Variants in CAND1 observed in about 807,000 individuals in gnomAD.
CAND1 encodes the protein cullin-associated NEDD8-dissociated protein 1.
A neutral mutation model predicts 108.5 loss-of-function variants in CAND1; 7 were observed. The observed-to-expected ratio is 0.06, with a 90% CI of 0.04 to 0.12. CAND1 has a LOEUF of 0.12. Ranked by LOEUF, CAND1 falls within the 10% of genes least tolerant of loss-of-function variation. The pLI is 1.00. For missense variants in CAND1, 941 were observed against 1,448.7 expected (o/e 0.65, Z 5.69); for synonymous variants, 534 against 512.0 (o/e 1.04, Z -0.58).
chr12:67,279,213 T>A (rs2044598043), intron 1 of CAND1, among the ~76,000 whole-genome samples: 1 of 152,012 alleles, frequency 6.6e-6, no homozygotes, highest in Admixed American at 6.6e-5. Context: ...CCAAACCAAT[T>A]TTTCCCATGC....
At chr12:67,306,645 G>T in intron 10 of CAND1, 48 bp downstream of exon 10, 1 of 1,447,840 alleles carries the variant, frequency 6.9e-7, no homozygotes, top group Non-Finnish European at 9.3e-7. Context: ...TTGATAGTTG[G>T]TTGCCTTAAA....
At chr12:67,284,899 T>C (rs558581819) in intron 2 of CAND1, among the ~76,000 whole-genome samples, 1 of 136,668 alleles carries the variant, frequency 7.3e-6, no homozygotes, top group South Asian at 2.5e-4. Context: ...CTTTTGAGGG[T>C]ATTAACCACT....
rs1263654929 is a variant in CAND1 at position 67,304,596 on chromosome 12, T to C, written c.1294-9T>C. 1.9e-6 allele frequency: 3 copies of C among 1,612,930 alleles called. No individual in the cohort carries two copies. The highest frequency in any genetic ancestry group is 2.7e-5 in the African/African-American group (2 of 74,782). The stretch of plus-strand genomic sequence containing the variant: ...GCTGAACCAGCTAATGACTATATGA[T>C]AATTGCAGGTTCCCAACATTGTTAA... On this transcript the variant is annotated splice_polypyrimidine_tract_variant and intron_variant, in intron 8 of 14. Transcript: ENST00000545606.
rs1253730235 is a variant in CAND1 at position 67,297,675 on chromosome 12, T to C, written c.748+12T>C. On this transcript the variant is annotated intron_variant, in intron 5 of 14. Coordinates refer to ENST00000545606, the MANE Select transcript of CAND1 (RefSeq NM_018448.5). ...TGGTCATAGAATAGGTAAGAAATCT[T>C]TAAAAGTTTTACAGTTTTCTTTAAT... is the stretch of plus-strand genomic sequence containing the variant. 1 of 1,600,852 alleles carries C rather than the reference T, an allele frequency of 6.2e-7. No individual in the cohort carries two copies. The highest frequency in any genetic ancestry group is 8.5e-7 in the Non-Finnish European group (1 of 1,174,574).
chr12:67,309,774 C>T, intron 11 of CAND1, 127 bp from the exon 12 acceptor site: 3 of 640,850 alleles, frequency 4.7e-6, no homozygotes, highest in Admixed American at 3.1e-5. Context: ...AGGTTCTTCC[C>T]TGACCGTCAC....
chr12:67,273,382 A>C (rs2044539951), intron 1 of CAND1, among the ~76,000 whole-genome samples: 1 of 152,102 alleles, frequency 6.6e-6, no homozygotes, highest in Non-Finnish European at 1.5e-5. Context: ...TTCGGTTGAT[A>C]CCAGAGTGAA....
intron 2 of CAND1, among the ~76,000 whole-genome samples, chr12:67,291,589 T>A (rs1426850934): frequency 6.6e-6 from 1 of 152,200 alleles, no homozygotes; most frequent in Non-Finnish European, 1.5e-5. Flanking sequence ...TGAAATTAAT[T>A]TATGTTTCAT....
intron 2 of CAND1, among the ~76,000 whole-genome samples, chr12:67,285,009 C>T (rs1384514472): frequency 6.6e-6 from 1 of 152,110 alleles, no homozygotes; most frequent in Non-Finnish European, 1.5e-5. Flanking sequence ...ACAAAAAATT[C>T]AGTGAGGTAG....
intron 4 of CAND1, among the ~76,000 whole-genome samples, chr12:67,296,239 T>C: frequency 6.6e-6 from 1 of 152,096 alleles, no homozygotes; most frequent in South Asian, 2.1e-4. Flanking sequence ...GTTTGGGTAG[T>C]AGTGACTCAT....
intron 1 of CAND1, among the ~76,000 whole-genome samples, chr12:67,278,559 C>T (rs2044591288): frequency 6.6e-6 from 1 of 152,068 alleles, no homozygotes; most frequent in Non-Finnish European, 1.5e-5. Flanking sequence ...CACTCTGTCA[C>T]CTAGGCTGTA....
intron 11 of CAND1, among the ~76,000 whole-genome samples, chr12:67,308,667 A>G (rs1160118570): frequency 1.3e-5 from 2 of 152,210 alleles, no homozygotes; most frequent in African/African-American, 2.4e-5. Context: ...CATTTTGTCC[A>G]TAATAGCAAT....
At chr12:67,296,609 A>G (rs540777033) in intron 4 of CAND1, among the ~76,000 whole-genome samples, 1 of 151,452 alleles carries the variant, frequency 6.6e-6, no homozygotes, top group African/African-American at 2.4e-5. Flanking sequence ...TAATTTTTGT[A>G]TTTTTAGTAG....
At chr12:67,289,435 TG>T (rs2044702226) in intron 2 of CAND1, among the ~76,000 whole-genome samples, 1 of 152,112 alleles carries the variant, frequency 6.6e-6, no homozygotes, top group Non-Finnish European at 1.5e-5. Context: ...GTCACCCAGG[TG>T]AGGGTGCAGT....
In CAND1 at chr12:67,312,592, A is replaced by C; in HGVS notation, c.3469-14A>C. 15 of 1,556,318 alleles carry C rather than the reference A, an allele frequency of 9.6e-6. No individual in the cohort carries two copies. Among genetic ancestry groups the C allele is most frequent in the Non-Finnish European group, 1.2e-5 (14 of 1,145,354 alleles). On this transcript the variant is annotated splice_polypyrimidine_tract_variant and intron_variant, in intron 14 of 14. Coordinates refer to ENST00000545606, the MANE Select transcript of CAND1 (RefSeq NM_018448.5). The stretch of plus-strand genomic sequence containing the variant: ...CTTTTATAGCATGTAATCTAAGTTT[A>C]CTCCATCTTACAGGTAAAGGCAAAC...
chr12:67,306,461 C>T lies in CAND1; in HGVS notation c.2793C>T (p.Asn931=). ...SVVGLKPYVE[N]IWALLLKHCE... The stretch of plus-strand genomic sequence containing the variant: ...TGGGCCTTAAACCATATGTTGAAAA[C>T]ATCTGGGCCTTATTACTAAAGCACT... The change falls in exon 10 of 15, where the codon AAC becomes AAT. Residue 931 remains asparagine, a synonymous_variant. Transcript: ENST00000545606. 1.9e-6 allele frequency: 3 copies of T among 1,614,060 alleles called. No individual in the cohort carries two copies. The highest frequency in any genetic ancestry group is 2.5e-6 in the Non-Finnish European group (3 of 1,179,962).
chr12:67,285,542 T>C (rs903781551), intron 2 of CAND1, among the ~76,000 whole-genome samples: 2 of 152,124 alleles, frequency 1.3e-5, no homozygotes, highest in Non-Finnish European at 2.9e-5. Flanking sequence ...TATGTCTCTA[T>C]AATCAAAGCA....
chr12:67,312,148 T>A (rs536656831), intron 14 of CAND1, among the ~76,000 whole-genome samples: 1 of 142,046 alleles, frequency 7.0e-6, no homozygotes, highest in African/African-American at 2.6e-5. Context: ...ACATTTGCAA[T>A]GAACCTCGAA....
chr12:67,307,444 AT>A lies in CAND1; in HGVS notation c.2980del (p.Ser994LeufsTer11). The A allele has an allele frequency of 6.2e-7, 1 of 1,611,152 alleles. No individual in the cohort carries two copies. ...SSVVTAVKFT[I>X]SDHPQPIDPL... ...AGTGGTTACGGCTGTGAAATTTACA[AT>A]TTCTGACCATCCACAACCTATTGAT... On this transcript the variant is annotated frameshift_variant, in exon 11 of 15. Transcript: ENST00000545606. LOFTEE classifies it high-confidence loss of function.
chr12:67,307,391 A>C lies in CAND1; in HGVS notation c.2930-6A>C, dbSNP rs772422797. 2 of 1,606,370 alleles carry C rather than the reference A, an allele frequency of 1.2e-6. No individual in the cohort carries two copies. The highest frequency in any genetic ancestry group is 1.7e-6 in the Non-Finnish European group (2 of 1,174,516). On this transcript the variant is annotated splice_region_variant and splice_polypyrimidine_tract_variant and intron_variant, in intron 10 of 14. Transcript: ENST00000545606. The stretch of plus-strand genomic sequence containing the variant: ...ACCAATAGACTTGCAATTTATTTTT[A>C]ACTAGGCTCATCATATGCCCGAAGC...
Sources: gnomAD v4.1 joint callset for allele counts (sites outside exome capture counted in the v4.1 genomes callset) on GRCh38, gnomAD v4.1.1 for gene constraint, MANE v1.5 for transcripts, NCBI Gene and HGNC (gene_info 2026-07-23, HGNC 2026-07-21) for gene names.